Variants in FARS2 observed in about 807,000 individuals in gnomAD.
FARS2 encodes the protein phenylalanine--tRNA ligase, mitochondrial.
FARS2 carries 40 observed loss-of-function variants against 46.4 expected under a neutral mutation model. That is an observed-to-expected ratio of 0.86 (90% CI 0.67 to 1.12). The LOEUF (loss-of-function observed/expected upper bound fraction) is 1.12. FARS2 is among the 50% of genes most tolerant of loss of function. The probability of loss-of-function intolerance (pLI) is 0.00; values close to 1 mark genes in which losing one functional copy is unlikely to be tolerated. For missense variants in FARS2, 513 were observed against 567.9 expected, an observed-to-expected ratio of 0.90 and a Z score of 0.98; for synonymous variants, 234 against 214.9, an observed-to-expected ratio of 1.09 and a Z score of -0.78.
At chr6:5,406,659 C>T (rs1761614713) in intron 3 of FARS2, among the ~76,000 whole-genome samples, 1 of 151,910 alleles carries the variant, frequency 6.6e-6, no homozygotes, top group Non-Finnish European at 1.5e-5. Context: ...TTTGTTTATC[C>T]ATACATTCAT....
At chr6:5,522,310 A>G (rs1033251188) in intron 4 of FARS2, among the ~76,000 whole-genome samples, 1 of 152,210 alleles carries the variant, frequency 6.6e-6, no homozygotes, top group Non-Finnish European at 1.5e-5. Flanking sequence ...AGCAAGAGGA[A>G]GGTCATGTGG....
At chr6:5,509,436 C>G (rs2150398809) in intron 4 of FARS2, among the ~76,000 whole-genome samples, 1 of 152,336 alleles carries the variant, frequency 6.6e-6, no homozygotes, top group South Asian at 2.1e-4. Context: ...ACAAAGAAAT[C>G]TCGTGAGCAC....
rs530127370 is a variant in FARS2 at position 5,418,115 on chromosome 6, G to T, written c.773-12926G>T. On this transcript the variant is annotated intron_variant, in intron 3 of 6. Transcript: ENST00000274680. ...TGTTTAGTCTTTCTTCTAGCTTTTTGAACATAACGAATATATAATACATAT... is the reference window on the plus strand; with the variant it reads ...TGTTTAGTCTTTCTTCTAGCTTTTTTAACATAACGAATATATAATACATAT... Among the ~76,000 whole-genome samples, 3 of 151,984 alleles carry T rather than the reference G, an allele frequency of 2.0e-5. No individual in the cohort carries two copies. In the East Asian group the frequency reaches 5.8e-4, roughly 29 times the overall value.
intron 6 of FARS2, among the ~76,000 whole-genome samples, chr6:5,733,826 C>T (rs886644279): frequency 1.3e-5 from 2 of 152,182 alleles, no homozygotes; most frequent in African/African-American, 2.4e-5. Flanking sequence ...TTGGTCCCAG[C>T]CTAGTTCTTT....
At chr6:5,429,565 G>A (rs1763044340) in intron 3 of FARS2, among the ~76,000 whole-genome samples, 1 of 152,146 alleles carries the variant, frequency 6.6e-6, no homozygotes, top group African/African-American at 2.4e-5. Flanking sequence ...CAGCACTTTG[G>A]GAGTTTGAGT....
At chr6:5,404,787 T>C in intron 3 of FARS2, 86 bp downstream of exon 3, 5 of 913,326 alleles carry the variant, frequency 5.5e-6, no homozygotes, top group Non-Finnish European at 6.1e-6. Flanking sequence ...TTTTTTTTTT[T>C]CATATTTTGA....
chr6:5,606,571 G>A (rs1020195835), intron 5 of FARS2, among the ~76,000 whole-genome samples: 2 of 152,098 alleles, frequency 1.3e-5, no homozygotes, highest in Non-Finnish European at 2.9e-5. Context: ...ACTAGGAAAG[G>A]CCTAAGATTT....
chr6:5,318,407 A>AAC (rs1769715277), intron 1 of FARS2, among the ~76,000 whole-genome samples: 1 of 147,756 alleles, frequency 6.8e-6, no homozygotes, highest in Non-Finnish European at 1.5e-5. Flanking sequence ...AAAAAAAAAA[A>AAC]CCCTACAAGA....
At chr6:5,587,373 T>G (rs1216361287) in intron 5 of FARS2, among the ~76,000 whole-genome samples, 4 of 152,214 alleles carry the variant, frequency 2.6e-5, no homozygotes. Flanking sequence ...TTTAGGTTAG[T>G]GAGGAAAAGG....
At chr6:5,499,401 C>T (rs1451501116) in intron 4 of FARS2, among the ~76,000 whole-genome samples, 1 of 152,092 alleles carries the variant, frequency 6.6e-6, no homozygotes, top group Non-Finnish European at 1.5e-5. Context: ...CCCTTCAGTG[C>T]AGGACATGAG....
rs765226644 is a variant in FARS2 at position 5,368,606 on chromosome 6, A to G, written c.36A>G (p.Ala12=). The G allele has an allele frequency of 1.9e-6, 3 of 1,613,872 alleles. No homozygotes were observed. The highest frequency in any genetic ancestry group is 2.2e-5 in the East Asian group (1 of 44,870). ...VGSALRRGAH[A]YVYLVSKASH... ...CAGCTCTCAGGAGAGGTGCCCATGCATATGTCTACCTGGTGAGTAAGGCCA... is the reference window on the plus strand; with the variant it reads ...CAGCTCTCAGGAGAGGTGCCCATGCGTATGTCTACCTGGTGAGTAAGGCCA... The change falls in exon 2 of 7, where the codon GCA becomes GCG. Residue 12 remains alanine, a synonymous_variant. Coordinates refer to ENST00000274680, the MANE Select transcript of FARS2 (RefSeq NM_006567.5).
At chr6:5,720,046 G>A (rs748137183) in intron 6 of FARS2, among the ~76,000 whole-genome samples, 7 of 151,402 alleles carry the variant, frequency 4.6e-5, no homozygotes, top group Admixed American at 3.3e-4. Flanking sequence ...TTAAATGGTA[G>A]TTAGTCTCCT....
rs551857534 is a variant in FARS2, at chr6:5,425,891, T to G, written c.773-5150T>G. Among the ~76,000 whole-genome samples the G allele has an allele frequency of 3.9e-5, 6 of 152,284 alleles. No individual in the cohort carries two copies. In the East Asian group the frequency reaches 1.2e-3, roughly 29 times the overall value. The stretch of plus-strand genomic sequence containing the variant: ...CCTGGGCTCCCACAGGGTCTTTTCT[T>G]GAAACCACTGGGTGAGGGCAATCAT... On this transcript the variant is annotated intron_variant, in intron 3 of 6. Coordinates refer to ENST00000274680, the MANE Select transcript of FARS2 (RefSeq NM_006567.5).
At chr6:5,670,849 T>C (rs1170993419) in intron 6 of FARS2, among the ~76,000 whole-genome samples, 1 of 152,204 alleles carries the variant, frequency 6.6e-6, no homozygotes, top group Non-Finnish European at 1.5e-5. Flanking sequence ...GTGTAAAGTT[T>C]CAACCGGGGC....
At chr6:5,546,510 G>T (rs145915901) in intron 5 of FARS2, among the ~76,000 whole-genome samples, 6 of 151,652 alleles carry the variant, frequency 4.0e-5, no homozygotes, top group South Asian at 4.2e-4. Context: ...TTGGCCTCCC[G>T]AAGTGCTGGG....
At chr6:5,346,932 G>A (rs1343765730) in intron 1 of FARS2, among the ~76,000 whole-genome samples, 2 of 140,314 alleles carry the variant, frequency 1.4e-5, no homozygotes, top group Non-Finnish European at 3.1e-5. Flanking sequence ...TTTTTTAATT[G>A]AGATGGAGCC....
intron 2 of FARS2, among the ~76,000 whole-genome samples, chr6:5,389,898 T>C (rs185258581): frequency 5.4e-4 from 82 of 152,312 alleles, no homozygotes; most frequent in Middle Eastern, 6.8e-3. Flanking sequence ...AGGGTGTCTC[T>C]CTGTCACCCA....
chr6:5,394,853 C>T lies in FARS2; in HGVS notation c.613-9689C>T, dbSNP rs117010095. Among the ~76,000 whole-genome samples the T allele has an allele frequency of 5.9e-4, 90 of 152,108 alleles. No homozygotes were observed. The East Asian group carries it at 9.5e-3, about 16-fold the overall frequency. ...TTTCTTGATGCTCGTTAACTTTTGA[C>T]GTCACACTCATTTTGCCATTCGAAG... is the stretch of plus-strand genomic sequence containing the variant. On this transcript the variant is annotated intron_variant, in intron 2 of 6. Transcript: ENST00000274680.
At chr6:5,495,376 C>T (rs1767398806) in intron 4 of FARS2, among the ~76,000 whole-genome samples, 1 of 152,140 alleles carries the variant, frequency 6.6e-6, no homozygotes, top group African/African-American at 2.4e-5. Flanking sequence ...CTTGGTAAAC[C>T]CCTGTGCTCC....
Sources: allele counts gnomAD v4.1 joint callset (sites outside exome capture counted in the v4.1 genomes callset), GRCh38; gene constraint gnomAD v4.1.1; transcripts MANE v1.5; gene names NCBI Gene and HGNC (gene_info 2026-07-23, HGNC 2026-07-21).